ZNF385D: variants seen among roughly 807,000 people sequenced by gnomAD.
ZNF385D encodes zinc finger protein 659.
In ZNF385D, 15 loss-of-function variants were observed where a neutral mutation model predicts 35.8. The observed-to-expected ratio is 0.42, with a 90% confidence interval of 0.28 to 0.64. The LOEUF is 0.64. Ranked by LOEUF, ZNF385D falls within the 30% of genes least tolerant of loss-of-function variation. ZNF385D has a pLI of 0.23. For missense variants in ZNF385D, 474 were observed against 494.6 expected (o/e 0.96, Z 0.39); for synonymous variants, 212 against 186.8 (o/e 1.13, Z -1.10).
At chr3:22,349,003 C>T (rs1282608554) in intron 2 of ZNF385D, among the ~76,000 whole-genome samples, 3 of 152,230 alleles carry the variant, frequency 2.0e-5, no homozygotes, top group South Asian at 4.2e-4. Context: ...AGAGCATATG[C>T]TAATTGTTCT....
upstream of ZNF385D, among the ~76,000 whole-genome samples, chr3:21,751,908 C>T (rs1256779157): frequency 6.6e-6 from 1 of 151,942 alleles, no homozygotes; most frequent in Non-Finnish European, 1.5e-5. Flanking sequence ...GATCTTTGAC[C>T]TCCTGAAACG....
intron 3 of ZNF385D, among the ~76,000 whole-genome samples, chr3:21,552,301 A>G (rs954880324): frequency 1.6e-4 from 25 of 152,300 alleles, no homozygotes; most frequent in African/African-American, 5.8e-4. Flanking sequence ...GATAAATCCA[A>G]TCAATCTTGA....
intron 5 of ZNF385D, among the ~76,000 whole-genome samples, chr3:21,430,007 C>T (rs17008685): frequency 0.038 from 5,762 of 151,978 alleles, 328 homozygotes; most frequent in African/African-American, 0.13. Context: ...GGAAAGCTCT[C>T]TCAAATCTAC....
At chr3:21,583,986 ATTTT>A (rs1219053222) in intron 2 of ZNF385D, among the ~76,000 whole-genome samples, 9 of 149,692 alleles carry the variant, frequency 6.0e-5, no homozygotes, top group African/African-American at 2.2e-4. Context: ...TTATTTATTT[ATTTT>A]TTGAGACAGA....
chr3:22,361,344 T>C (rs572652084), intron 2 of ZNF385D, among the ~76,000 whole-genome samples: 1 of 152,216 alleles, frequency 6.6e-6, no homozygotes, highest in Admixed American at 6.5e-5. Flanking sequence ...CATTAATTTA[T>C]AGGAAGATGT....
rs1553633457 is a variant in ZNF385D at position 21,663,915 on chromosome 3, ATATT to A, written c.165+967_165+970del. ...AATATATATATATATATATATATAT[ATATT>A]TATTTATTTAAATCCATCATGGGGA... On this transcript the variant is annotated intron_variant, in intron 2 of 7. Coordinates refer to ENST00000281523, the MANE Select transcript of ZNF385D (RefSeq NM_024697.3). Among the ~76,000 whole-genome samples, 449 of 105,702 alleles carry A rather than the reference ATATT, an allele frequency of 4.2e-3. 24 individuals carry two copies. The highest frequency in any genetic ancestry group is 0.016 in the African/African-American group (427 of 26,480). 69.3% of individuals were successfully genotyped at this position (105,702 alleles called of 152,430 possible).
intron 2 of ZNF385D, among the ~76,000 whole-genome samples, chr3:22,190,319 T>A (rs12635817): frequency 0.28 from 43,026 of 152,090 alleles, 6,432 homozygotes; most frequent in Middle Eastern, 0.42. Flanking sequence ...ATTAATTTTA[T>A]TCCAACTGTG....
chr3:21,753,933 G>A (rs760241078), upstream of ZNF385D, among the ~76,000 whole-genome samples: 1 of 151,876 alleles, frequency 6.6e-6, no homozygotes, highest in Non-Finnish European at 1.5e-5. Context: ...GAAATCATTG[G>A]GTATTTGTTT....
chr3:21,867,532 T>G (rs1559705830), intron 3 of ZNF385D, among the ~76,000 whole-genome samples: 1 of 152,152 alleles, frequency 6.6e-6, no homozygotes, highest in Non-Finnish European at 1.5e-5. Context: ...ATCATCTGTC[T>G]CTGTCAAGAT....
At chr3:21,518,456 T>C (rs1707714090) in intron 3 of ZNF385D, among the ~76,000 whole-genome samples, 1 of 152,188 alleles carries the variant, frequency 6.6e-6, no homozygotes, top group African/African-American at 2.4e-5. Context: ...CTTTTATCTC[T>C]ATATTGAATG....
chr3:21,477,062 A>G (rs1437606096), intron 4 of ZNF385D, among the ~76,000 whole-genome samples: 1 of 152,128 alleles, frequency 6.6e-6, no homozygotes, highest in East Asian at 1.9e-4. Context: ...TCTTGTGCCT[A>G]ATACACTAAA....
intron 2 of ZNF385D, among the ~76,000 whole-genome samples, chr3:22,316,420 A>G (rs1318062432): frequency 6.6e-6 from 1 of 152,196 alleles, no homozygotes; most frequent in Non-Finnish European, 1.5e-5. Flanking sequence ...CACAGATAGG[A>G]ATATTTTAAT....
At chr3:21,851,208 C>T (rs1696363985) in intron 3 of ZNF385D, among the ~76,000 whole-genome samples, 2 of 152,092 alleles carry the variant, frequency 1.3e-5, no homozygotes, top group Admixed American at 6.6e-5. Context: ...AAAAAATTCA[C>T]TAGATGGCCT....
At chr3:22,033,067 C>T (rs1019311128) in intron 3 of ZNF385D, among the ~76,000 whole-genome samples, 2 of 152,166 alleles carry the variant, frequency 1.3e-5, no homozygotes, top group Non-Finnish European at 2.9e-5. Context: ...AATTTCTGCC[C>T]AAGACATTTT....
chr3:21,912,577 A>G (rs1227362625), intron 3 of ZNF385D, among the ~76,000 whole-genome samples: 5 of 152,060 alleles, frequency 3.3e-5, no homozygotes, highest in Non-Finnish European at 7.4e-5. Flanking sequence ...GGATTGCTAT[A>G]GTGCATGCAA....
At position 21,584,093 on chromosome 3, in the gene ZNF385D, C is replaced by T. The variant is rs1183046497; in HGVS notation, c.166-19409G>A. ...GGCTCAAGCTATTCTCCTGCCTCAG[C>T]CTCCCTAGTAGCTGGGATTTCAAGC... On this transcript the variant is annotated intron_variant, in intron 2 of 7. Coordinates refer to ENST00000281523, the MANE Select transcript of ZNF385D (RefSeq NM_024697.3). 2.0e-5 allele frequency among the ~76,000 whole-genome samples: 3 copies of T among 151,976 alleles called. No individual in the cohort carries two copies. In the East Asian group the frequency reaches 5.8e-4, roughly 29 times the overall value.
At chr3:22,101,434 G>A (rs1392938718) in intron 3 of ZNF385D, among the ~76,000 whole-genome samples, 1 of 152,062 alleles carries the variant, frequency 6.6e-6, no homozygotes, top group East Asian at 1.9e-4. Context: ...TCTGTGTGCT[G>A]GATGTTCTCA....
chr3:22,044,079 A>C (rs1418338177), intron 3 of ZNF385D, among the ~76,000 whole-genome samples: 1 of 134,348 alleles, frequency 7.4e-6, no homozygotes, highest in Non-Finnish European at 1.6e-5. Flanking sequence ...ATGAAACACG[A>C]AACCTGGGAA....
chr3:21,884,149 A>G (rs950202347), intron 3 of ZNF385D, among the ~76,000 whole-genome samples: 2 of 152,084 alleles, frequency 1.3e-5, no homozygotes, highest in African/African-American at 4.8e-5. Context: ...AGGATCACTA[A>G]GTTTGGAACC....
Sources: gnomAD v4.1 joint callset for allele counts (sites outside exome capture counted in the v4.1 genomes callset) on GRCh38, gnomAD v4.1.1 for gene constraint, MANE v1.5 for transcripts, NCBI Gene and HGNC (gene_info 2026-07-23, HGNC 2026-07-21) for gene names.